Variants in PRKCQ observed in about 807,000 individuals in gnomAD.
PRKCQ encodes the protein protein kinase C theta, also known as protein kinase C theta type.
Under a neutral mutation model 91.2 loss-of-function variants are expected in PRKCQ, and 41 were observed. The ratio of observed to expected loss-of-function variants is 0.45; its 90% CI spans 0.35 to 0.58. PRKCQ has a LOEUF of 0.58. Among genes scored for constraint, PRKCQ ranks in the 20% least tolerant of loss-of-function variants. The pLI is 0.00. For missense variants in PRKCQ, 673 were observed against 896.5 expected, an observed-to-expected ratio of 0.75 and a Z score of 3.18; for synonymous variants, 307 against 316.9, an observed-to-expected ratio of 0.97 and a Z score of 0.33.
chr10:6,442,987 C>CTCAAA (rs1311885367), intron 15 of PRKCQ, among the ~76,000 whole-genome samples: 1 of 151,978 alleles, frequency 6.6e-6, no homozygotes, highest in Non-Finnish European at 1.5e-5. Context: ...CCCCAAAGCA[C>CTCAAA]TCAAATCTAG....
chr10:6,510,691 C>A (rs1838425755), intron 3 of PRKCQ, among the ~76,000 whole-genome samples: 1 of 152,064 alleles, frequency 6.6e-6, no homozygotes, highest in Non-Finnish European at 1.5e-5. Context: ...AAACTCATCC[C>A]CCACTTAAGG....
chr10:6,425,097 G>A (rs374096031), downstream of PRKCQ, among the ~76,000 whole-genome samples: 2 of 152,158 alleles, frequency 1.3e-5, no homozygotes, highest in East Asian at 3.9e-4. Flanking sequence ...CTGATTGGTG[G>A]ATGTCGCTGA....
At chr10:6,542,508 T>C (rs1043510516) in intron 1 of PRKCQ, among the ~76,000 whole-genome samples, 2 of 152,192 alleles carry the variant, frequency 1.3e-5, no homozygotes, top group African/African-American at 4.8e-5. Context: ...GCAGAAGCAA[T>C]AAAACATGAA....
chr10:6,521,922 G>GTTATTTATTTAT (rs71379861), intron 1 of PRKCQ, among the ~76,000 whole-genome samples: 1,047 of 63,242 alleles, frequency 0.017, 8 homozygotes, highest in African/African-American at 0.042. Context: ...GTTATGTTAT[G>GTTATTTATTTAT]TTATTTATTT....
Position 6,497,340 on chromosome 10 carries a change from C to A in PRKCQ, c.543-89G>T. 1.4e-6 allele frequency: 2 copies of A among 1,456,116 alleles called. No individual in the cohort carries two copies. Among genetic ancestry groups the A allele is most frequent in the South Asian group, 1.1e-5 (1 of 87,200 alleles). The allele number at this position is 1,456,116 out of a possible 1,614,324, so 90.2% of individuals were successfully genotyped here. A position where few individuals can be genotyped will look rare whatever the true frequency, so the allele number is the denominator to read the frequency against. ...AAGAGATGGATGAGATCTCATAACC[C>A]CCTAAGATCACAGAGCAGTTTCTGA... On this transcript the variant is annotated intron_variant, in intron 5 of 17. Coordinates refer to ENST00000263125, the MANE Select transcript of PRKCQ (RefSeq NM_006257.5). The surrounding 1 kb of genome is among the most constrained non-coding windows in gnomAD (Gnocchi z 4.5).
At chr10:6,405,105 CCAGATAGCTGGGTCCA>C in the PRKCQ span, among the ~76,000 whole-genome samples, 8 of 152,158 alleles carry the variant, frequency 5.3e-5, no homozygotes, top group Admixed American at 2.0e-4. Flanking sequence ...CCTCAGCCTC[CCAGATAGCTGGGTCCA>C]CAGGTGCACG....
At chr10:6,556,367 G>A (rs1840413546) in intron 1 of PRKCQ, among the ~76,000 whole-genome samples, 1 of 149,226 alleles carries the variant, frequency 6.7e-6, no homozygotes, top group Admixed American at 6.7e-5. Flanking sequence ...AGGAGTTAGA[G>A]GCTACAGTGA....
chr10:6,455,076 G>T (rs1387174045), intron 15 of PRKCQ, among the ~76,000 whole-genome samples: 4 of 152,200 alleles, frequency 2.6e-5, no homozygotes, highest in Non-Finnish European at 5.9e-5. Context: ...CTCAGGTGAG[G>T]CTGAGGGAGT....
At chr10:6,492,280 C>T (rs1342221797) in intron 7 of PRKCQ, among the ~76,000 whole-genome samples, 1 of 151,374 alleles carries the variant, frequency 6.6e-6, no homozygotes, top group Non-Finnish European at 1.5e-5. Context: ...GGAAACATTT[C>T]TATGGGTTTA....
chr10:6,553,503 AAAAAAAAAAAAAAACAAACAAAC>A (rs1428545652), intron 1 of PRKCQ, among the ~76,000 whole-genome samples: 5 of 147,882 alleles, frequency 3.4e-5, no homozygotes, highest in African/African-American at 1.3e-4. Context: ...AAAAAAAAAA[AAAAAAAAAAAAAAACAAACAAAC>A]AAAAGAAGAA....
the PRKCQ span, among the ~76,000 whole-genome samples, chr10:6,402,133 G>A: frequency 2.0e-5 from 3 of 152,070 alleles, no homozygotes; most frequent in East Asian, 5.8e-4. Context: ...TCACTCATAA[G>A]TGGGAGTTGA....
chr10:6,552,547 C>T (rs1840229824), intron 1 of PRKCQ, among the ~76,000 whole-genome samples: 2 of 151,834 alleles, frequency 1.3e-5, no homozygotes, highest in South Asian at 4.2e-4. Flanking sequence ...CTCACTGCGG[C>T]CTCCACCTCT....
chr10:6,506,051 C>G (rs1048377117), intron 4 of PRKCQ, among the ~76,000 whole-genome samples: 4 of 152,156 alleles, frequency 2.6e-5, no homozygotes, highest in Admixed American at 1.3e-4. Flanking sequence ...TTTAGGTCAG[C>G]ACTTTCACAT....
chr10:6,437,569 T>C (rs1454509733), intron 16 of PRKCQ, among the ~76,000 whole-genome samples: 1 of 152,246 alleles, frequency 6.6e-6, no homozygotes, highest in Non-Finnish European at 1.5e-5. Flanking sequence ...TTGCTACAAA[T>C]GTAGCAATTG....
chr10:6,534,287 G>GA (rs58733052), intron 1 of PRKCQ, among the ~76,000 whole-genome samples: 2,496 of 152,170 alleles, frequency 0.016, 57 homozygotes, highest in African/African-American at 0.058. Context: ...TCTAAAAATA[G>GA]AAAATAATTA....
chr10:6,493,716 T>C (rs1235657534), intron 7 of PRKCQ, among the ~76,000 whole-genome samples: 1 of 152,180 alleles, frequency 6.6e-6, no homozygotes. Flanking sequence ...AAATTTGATC[T>C]AAGCAAGCAA....
chr10:6,498,350 A>G (rs370158918), intron 5 of PRKCQ, 46 bp downstream of exon 5: 148 of 1,601,330 alleles, frequency 9.2e-5, no homozygotes, highest in Non-Finnish European at 1.1e-4. Context: ...AAGACGCAAC[A>G]AAATGCATAA....
Position 6,442,027 on chromosome 10 carries a change from G to T in PRKCQ, c.1702C>A (p.Leu568Ile). The change falls in exon 16 of 18, where the codon CTC becomes ATC. Residue 568 changes from leucine (L) to isoleucine (I), a missense_variant. By Grantham distance (5) the Leu-to-Ile change is conservative (BLOSUM62 2). Transcript: ENST00000263125. ...TGACCAATCAGCATTTCATAAAGGA[G>T]AACCCCGAAGGACCACCAGTCCACA... ...HSVDWWSFGV[L>I]LYEMLIGQSP... The T allele has an allele frequency of 6.2e-7, 1 of 1,614,154 alleles. No homozygotes were observed. Among genetic ancestry groups the T allele is most frequent in the Non-Finnish European group, 8.5e-7 (1 of 1,180,026 alleles).
chr10:6,546,833 G>A (rs1206350696), intron 1 of PRKCQ, among the ~76,000 whole-genome samples: 1 of 152,130 alleles, frequency 6.6e-6, no homozygotes, highest in Non-Finnish European at 1.5e-5. Context: ...AATGCTTCCA[G>A]TTTTTGCCCA....
Sources: gnomAD v4.1 joint callset for allele counts (sites outside exome capture counted in the v4.1 genomes callset) on GRCh38, gnomAD v4.1.1 for gene constraint, Gnocchi (gnomAD v3.1) non-coding constraint, MANE v1.5 for transcripts, NCBI Gene and HGNC (gene_info 2026-07-23, HGNC 2026-07-21) for gene names.